RABEP1: variants seen among roughly 807,000 people sequenced by gnomAD.
RABEP1 encodes the protein rab GTPase-binding effector protein 1.
RABEP1 carries 51 observed loss-of-function variants against 123.4 expected under a neutral mutation model. That is an observed-to-expected ratio of 0.41 (90% CI 0.33 to 0.52). The LOEUF (loss-of-function observed/expected upper bound fraction) is 0.52, where lower values mean the gene tolerates loss of function less well. Ranked by LOEUF, RABEP1 falls within the 20% of genes least tolerant of loss-of-function variation. RABEP1 has a pLI of 0.16. For synonymous variants in RABEP1, 347 were observed against 355.2 expected (o/e 0.98, Z 0.26); for missense variants, 888 against 996.3 (o/e 0.89, Z 1.46).
chr17:5,291,807 A>G (rs1258802804), intron 1 of RABEP1, among the ~76,000 whole-genome samples: 2 of 152,088 alleles, frequency 1.3e-5, no homozygotes, highest in Admixed American at 6.6e-5. Flanking sequence ...AGAGGCTGAG[A>G]CAGGAGAGAG....
At chr17:5,338,184 C>G in intron 5 of RABEP1, 46 bp downstream of exon 5, 1 of 1,559,694 alleles carries the variant, frequency 6.4e-7, no homozygotes, top group Non-Finnish European at 8.7e-7. Flanking sequence ...AAGTTTCTGC[C>G]CCAATGCCAT....
intron 1 of RABEP1, among the ~76,000 whole-genome samples, chr17:5,289,323 G>A (rs973589271): frequency 3.3e-5 from 5 of 150,976 alleles, no homozygotes; most frequent in African/African-American, 1.2e-4. Flanking sequence ...TAGCCCTTTG[G>A]TATGTGTTGC....
intron 2 of RABEP1, among the ~76,000 whole-genome samples, chr17:5,316,040 A>G (rs2075292004): frequency 6.6e-6 from 1 of 152,216 alleles, no homozygotes; most frequent in Admixed American, 6.5e-5. Flanking sequence ...AGTGCAGAGA[A>G]AAAATAATTG....
chr17:5,364,710 CAAA>C (rs200314940), intron 10 of RABEP1, among the ~76,000 whole-genome samples: 17,233 of 112,590 alleles, frequency 0.15, 1,087 homozygotes, highest in Non-Finnish European at 0.19. Context: ...ACTCTTGTCT[CAAA>C]AAAAAAAAAA....
At chr17:5,381,090 T>A (rs571900318) in intron 16 of RABEP1, among the ~76,000 whole-genome samples, 1 of 152,162 alleles carries the variant, frequency 6.6e-6, no homozygotes, top group African/African-American at 2.4e-5. Context: ...CAGACACCGA[T>A]CTTAGCAGCT....
At chr17:5,295,875 A>G (rs1325567598) in intron 1 of RABEP1, among the ~76,000 whole-genome samples, 1 of 151,818 alleles carries the variant, frequency 6.6e-6, no homozygotes, top group Non-Finnish European at 1.5e-5. Flanking sequence ...TTTAGTTCTG[A>G]TTTCTTTTTG....
chr17:5,372,621 C>G (rs11652523), intron 12 of RABEP1, among the ~76,000 whole-genome samples: 37,164 of 152,052 alleles, frequency 0.24, 5,077 homozygotes, highest in African/African-American at 0.37. Context: ...CCTTTCTGTC[C>G]AGTGCACGCC....
chr17:5,380,619 TG>T, intron 16 of RABEP1, 157 bp downstream of exon 16: 2 of 688,096 alleles, frequency 2.9e-6, no homozygotes, highest in South Asian at 3.0e-5. Flanking sequence ...TTAAACGAAT[TG>T]ATCTATTCCA....
chr17:5,310,367 T>G (rs1029842515), intron 2 of RABEP1, among the ~76,000 whole-genome samples: 2 of 143,360 alleles, frequency 1.4e-5, no homozygotes, highest in African/African-American at 5.3e-5. Flanking sequence ...CAGGCTGGAG[T>G]TCAGTGGCAC....
chr17:5,374,548 T>G (rs745358702), intron 13 of RABEP1, among the ~76,000 whole-genome samples: 1 of 152,084 alleles, frequency 6.6e-6, no homozygotes, highest in East Asian at 1.9e-4. Context: ...GTGATTCTCC[T>G]GCCTCAGCCT....
chr17:5,339,687 C>T (rs895106959), intron 5 of RABEP1, among the ~76,000 whole-genome samples: 14 of 151,860 alleles, frequency 9.2e-5, no homozygotes, highest in African/African-American at 3.4e-4. Flanking sequence ...GTAGTCCCTT[C>T]TACTTGGGAG....
intron 1 of RABEP1, among the ~76,000 whole-genome samples, chr17:5,301,272 T>A (rs550669281): frequency 8.5e-5 from 13 of 152,298 alleles, no homozygotes; most frequent in Admixed American, 7.2e-4. Context: ...ACTGCTCTAT[T>A]CTGAATTGAA....
At position 5,383,107 on chromosome 17, in the gene RABEP1, C is replaced by A. The variant is rs1911634404; in HGVS notation, c.2488-15C>A. On this transcript the variant is annotated splice_polypyrimidine_tract_variant and intron_variant, in intron 17 of 17. Coordinates refer to ENST00000537505, the MANE Select transcript of RABEP1 (RefSeq NM_004703.6). ...GCAGGAGCCACCTGTAGTTATCTCA[C>A]CATTGTTTCTCCAGGTGCAGTTAGA... 2 of 1,611,090 alleles carry A rather than the reference C, an allele frequency of 1.2e-6. No individual in the cohort carries two copies. The highest frequency in any genetic ancestry group is 1.7e-6 in the Non-Finnish European group (2 of 1,177,358).
At chr17:5,368,246 G>A (rs758935886) in intron 11 of RABEP1, 124 bp from the exon 12 acceptor site, 13 of 672,352 alleles carry the variant, frequency 1.9e-5, no homozygotes, top group Non-Finnish European at 3.3e-5. Context: ...GTTGGATGAT[G>A]GTCAGTGGTT....
chr17:5,321,209 G>A (rs576805968), intron 2 of RABEP1, among the ~76,000 whole-genome samples: 3 of 151,938 alleles, frequency 2.0e-5, no homozygotes, highest in Non-Finnish European at 2.9e-5. Flanking sequence ...TGGGAGGCCA[G>A]GGTGGGAGGA....
intron 1 of RABEP1, among the ~76,000 whole-genome samples, chr17:5,285,129 T>A (rs1250074502): frequency 6.6e-6 from 1 of 152,192 alleles, no homozygotes; most frequent in African/African-American, 2.4e-5. Context: ...TACTGCATCT[T>A]AGTTTACTTA....
intron 7 of RABEP1, among the ~76,000 whole-genome samples, chr17:5,352,560 G>T (rs1908648968): frequency 6.6e-6 from 1 of 150,808 alleles, no homozygotes; most frequent in East Asian, 2.0e-4. Flanking sequence ...GCCGGGCGCG[G>T]ATGGTCACAC....
At chr17:5,291,892 G>A (rs867737104) in intron 1 of RABEP1, among the ~76,000 whole-genome samples, 8 of 152,128 alleles carry the variant, frequency 5.3e-5, no homozygotes, top group Admixed American at 1.3e-4. Flanking sequence ...GGGAAAGAGC[G>A]ATACTCTGTC....
rs562074907 is a variant in RABEP1, at chr17:5,381,755, T to G, written c.2487+250T>G. 5.6e-5 allele frequency: 21 copies of G among 377,514 alleles called. No homozygotes were observed. The Admixed American group carries it at 5.7e-4, about 10-fold the overall frequency. The allele number at this position is 377,514 out of a possible 1,614,324, so 23.4% of individuals were successfully genotyped here. A position where few individuals can be genotyped will look rare whatever the true frequency, so the allele number is the denominator to read the frequency against. On this transcript the variant is annotated intron_variant, in intron 17 of 17. Transcript: ENST00000537505. Reference sequence around the variant, plus strand: ...TGAGTAAAGTACTGACTCCTTAGCATACCATGTAAGACTCTTCCCAACCAG... The same window carrying G: ...TGAGTAAAGTACTGACTCCTTAGCAGACCATGTAAGACTCTTCCCAACCAG...
Sources: gnomAD v4.1 joint callset for allele counts (sites outside exome capture counted in the v4.1 genomes callset) on GRCh38, gnomAD v4.1.1 for gene constraint, MANE v1.5 for transcripts, NCBI Gene and HGNC (gene_info 2026-07-23, HGNC 2026-07-21) for gene names.